ENOX1: variants seen among roughly 807,000 people sequenced by gnomAD.
ENOX1 encodes ecto-NOX disulfide-thiol exchanger 1, also known as candidate growth-related and time keeping constitutive hydroquinone (NADH) oxidase.
In ENOX1, 42 loss-of-function variants were observed where a neutral mutation model predicts 82.5. The ratio of observed to expected loss-of-function variants is 0.51; its 90% CI spans 0.40 to 0.66. The LOEUF is 0.66. Ranked by LOEUF, ENOX1 falls within the 30% of genes least tolerant of loss-of-function variation. The pLI, the probability that ENOX1 is intolerant of heterozygous loss-of-function variation, is 0.00. For synonymous variants in ENOX1, 271 were observed against 282.2 expected, an observed-to-expected ratio of 0.96 and a Z score of 0.40; for missense variants, 608 against 811.6, an observed-to-expected ratio of 0.75 and a Z score of 3.05.
chr13:43,785,460 C>A (rs1952514430), intron 1 of ENOX1, among the ~76,000 whole-genome samples: 1 of 152,320 alleles, frequency 6.6e-6, no homozygotes, highest in African/African-American at 2.4e-5. Context: ...AGGAACCTTT[C>A]CATACGCACG....
chr13:43,329,944 T>C (rs1181592602), intron 9 of ENOX1, among the ~76,000 whole-genome samples: 3 of 152,172 alleles, frequency 2.0e-5, no homozygotes, highest in African/African-American at 7.2e-5. Flanking sequence ...TAATTCATCA[T>C]CATTAGGGAA....
At position 43,399,076 on chromosome 13, in the gene ENOX1, T is replaced by C. The variant is rs1314400766; in HGVS notation, c.208+12840A>G. On this transcript the variant is annotated intron_variant, in intron 5 of 16. Transcript: ENST00000690772. ...CCCAAAGTGCTGGGATTGTAGGCACTGGGCCCAGCCCCTTCCTTATCATTT... is the reference window on the plus strand; with the variant it reads ...CCCAAAGTGCTGGGATTGTAGGCACCGGGCCCAGCCCCTTCCTTATCATTT... Among the ~76,000 whole-genome samples the C allele has an allele frequency of 1.3e-5, 2 of 151,640 alleles. 1 individual carries two copies. The highest frequency in any genetic ancestry group is 4.2e-4 in the South Asian group (2 of 4,736).
chr13:43,721,283 A>T (rs1041420664), intron 1 of ENOX1, among the ~76,000 whole-genome samples: 1 of 151,974 alleles, frequency 6.6e-6, no homozygotes, highest in Non-Finnish European at 1.5e-5. Context: ...TAAATTTTTA[A>T]TTATTATTTT....
At position 43,750,454 on chromosome 13, in the gene ENOX1, T is replaced by C. The variant is rs531667581; in HGVS notation, c.-285+36198A>G. On this transcript the variant is annotated intron_variant, in intron 1 of 16. Transcript: ENST00000690772. ...CAGCAGGGGGCTTTTCAAAACACCC[T>C]AGGGTAGATAGGCCTGGTCTTTAGT... is the stretch of plus-strand genomic sequence containing the variant. 9.2e-5 allele frequency among the ~76,000 whole-genome samples: 14 copies of C among 152,294 alleles called. No individual in the cohort carries two copies. The East Asian group carries it at 2.5e-3, about 27-fold the overall frequency.
At chr13:43,770,944 T>C (rs1236841184) in intron 1 of ENOX1, among the ~76,000 whole-genome samples, 1 of 152,016 alleles carries the variant, frequency 6.6e-6, no homozygotes, top group Non-Finnish European at 1.5e-5. Flanking sequence ...CTCTCCAAAC[T>C]TGTGTTCCAG....
At chr13:43,365,139 G>A (rs1594160877) in intron 5 of ENOX1, among the ~76,000 whole-genome samples, 1 of 152,270 alleles carries the variant, frequency 6.6e-6, no homozygotes, top group Non-Finnish European at 1.5e-5. Context: ...TCTGCTGCCC[G>A]CTAGCCATGC....
intron 1 of ENOX1, among the ~76,000 whole-genome samples, chr13:43,695,467 A>G (rs1471427597): frequency 8.4e-6 from 1 of 119,354 alleles, no homozygotes; most frequent in African/African-American, 3.2e-5. Context: ...TTTTTTTTGG[A>G]GACAGAGTCT....
chr13:43,700,454 T>C (rs140200451), intron 1 of ENOX1, among the ~76,000 whole-genome samples: 74 of 152,276 alleles, frequency 4.9e-4, no homozygotes, highest in African/African-American at 1.3e-3. Context: ...GTGGTTGAGA[T>C]TAAGTGACAA....
chr13:43,310,295 C>T lies in ENOX1; in HGVS notation c.1262-11765G>A, dbSNP rs2047127404. 2.0e-5 allele frequency among the ~76,000 whole-genome samples: 3 copies of T among 149,264 alleles called. No individual in the cohort carries two copies. In the South Asian group the frequency reaches 6.4e-4, roughly 32 times the overall value. The stretch of plus-strand genomic sequence containing the variant: ...ACTAAATGCTTTTTAAACAGCTCTA[C>T]CTTTTTTTCTAATTGAGAAACAGAG... On this transcript the variant is annotated intron_variant, in intron 11 of 16. Coordinates refer to ENST00000690772, the MANE Select transcript of ENOX1 (RefSeq NM_001347969.2).
chr13:43,214,162 CA>C, intron 16 of ENOX1, 41 bp from the exon 17 acceptor site: 1 of 1,600,052 alleles, frequency 6.2e-7, no homozygotes, highest in Non-Finnish European at 8.5e-7. Context: ...GAAAGGAACT[CA>C]TCTTAAAGGA....
At chr13:43,479,392 C>G (rs1302751374) in intron 3 of ENOX1, among the ~76,000 whole-genome samples, 2 of 152,132 alleles carry the variant, frequency 1.3e-5, no homozygotes, top group Non-Finnish European at 2.9e-5. Flanking sequence ...ATTTTCTACC[C>G]TTTCCGTTCT....
At chr13:43,780,540 A>G (rs1198995744) in intron 1 of ENOX1, among the ~76,000 whole-genome samples, 1 of 152,224 alleles carries the variant, frequency 6.6e-6, no homozygotes, top group Non-Finnish European at 1.5e-5. Flanking sequence ...AGTGGTAGAA[A>G]GGTAAAGGGC....
intron 12 of ENOX1, among the ~76,000 whole-genome samples, chr13:43,277,679 G>T (rs192355272): frequency 9.8e-5 from 15 of 152,326 alleles, no homozygotes; most frequent in African/African-American, 3.6e-4. Flanking sequence ...GGCACAGGCT[G>T]TGTGTTCGCT....
At chr13:43,281,857 C>A (rs984644438) in intron 12 of ENOX1, among the ~76,000 whole-genome samples, 3 of 152,112 alleles carry the variant, frequency 2.0e-5, no homozygotes, top group Non-Finnish European at 4.4e-5. Context: ...ATGTAGCAAT[C>A]TTTTTCTGCT....
At chr13:43,491,835 C>T (rs1226166124) in intron 2 of ENOX1, among the ~76,000 whole-genome samples, 1 of 152,072 alleles carries the variant, frequency 6.6e-6, no homozygotes, top group African/African-American at 2.4e-5. Flanking sequence ...TATGTACATC[C>T]ACTACTAAAG....
intron 2 of ENOX1, among the ~76,000 whole-genome samples, chr13:43,575,177 C>T (rs148609091): frequency 1.5e-3 from 231 of 152,292 alleles, no homozygotes; most frequent in Non-Finnish European, 2.4e-3. Context: ...AAAGAAACCT[C>T]GTGAAGTCCT....
At chr13:43,380,272 A>T (rs1575429) in intron 5 of ENOX1, among the ~76,000 whole-genome samples, 148,134 of 151,128 alleles carry the variant, frequency 0.98, 72,673 homozygotes, top group East Asian at 1. Context: ...GAAAAAAAAA[A>T]TTTTTACTTA....
intron 11 of ENOX1, among the ~76,000 whole-genome samples, chr13:43,302,234 G>A (rs2046621313): frequency 1.3e-5 from 2 of 152,002 alleles, no homozygotes; most frequent in African/African-American, 4.8e-5. Flanking sequence ...AATAAAAAAA[G>A]AATAGAATTA....
chr13:43,493,511 C>A (rs568529669), intron 2 of ENOX1, among the ~76,000 whole-genome samples: 9 of 152,318 alleles, frequency 5.9e-5, no homozygotes, highest in African/African-American at 2.2e-4. Flanking sequence ...AAAAGGCCAT[C>A]CTGGCTCCCA....
Sources: gnomAD v4.1 joint callset for allele counts (sites outside exome capture counted in the v4.1 genomes callset) on GRCh38, gnomAD v4.1.1 for gene constraint, MANE v1.5 for transcripts, NCBI Gene and HGNC (gene_info 2026-07-23, HGNC 2026-07-21) for gene names.